Variants in MPP7 observed in about 807,000 individuals in gnomAD.
MPP7 encodes MAGUK p55 subfamily member 7.
In MPP7, 60 loss-of-function variants were observed where a neutral mutation model predicts 76.5. The ratio of observed to expected loss-of-function variants is 0.78; its 90% CI spans 0.64 to 0.97. MPP7 has a LOEUF of 0.97. Among genes scored for constraint, MPP7 ranks in the 50% least tolerant of loss-of-function variants. The pLI is 0.00. For missense variants in MPP7, 641 were observed against 694.0 expected (o/e 0.92, Z 0.86); for synonymous variants, 237 against 244.5 (o/e 0.97, Z 0.29).
chr10:28,200,334 A>C (rs1164425498), intron 3 of MPP7, among the ~76,000 whole-genome samples: 1 of 152,234 alleles, frequency 6.6e-6, no homozygotes, highest in Non-Finnish European at 1.5e-5. Flanking sequence ...GAGGTACGTA[A>C]TAAAACTAAT....
rs1164916418 is a variant in MPP7, at chr10:28,051,329, A to G, written c.*2736T>C. The G allele has an allele frequency of 6.6e-6, 1 of 152,216 alleles. No homozygotes were observed. The highest frequency in any genetic ancestry group is 1.5e-5 in the Non-Finnish European group (1 of 68,032). 9.4% of individuals were successfully genotyped at this position (152,216 alleles called of 1,614,324 possible). A position where few individuals can be genotyped will look rare whatever the true frequency, so the allele number is the denominator to read the frequency against. ...TTATGTTTGTCAGTTTCAAATTATT[A>G]CAGTTTAGATACATTCAATCATTAC... On this transcript the variant is annotated 3_prime_UTR_variant, in exon 17 of 17. Coordinates refer to ENST00000683449, the MANE Select transcript of MPP7 (RefSeq NM_001318170.2).
At chr10:28,191,299 C>T (rs1038321733) in intron 3 of MPP7, among the ~76,000 whole-genome samples, 1 of 152,064 alleles carries the variant, frequency 6.6e-6, no homozygotes, top group Admixed American at 6.6e-5. Context: ...ACGAGGCCAG[C>T]ATTATCTTAT....
At position 28,053,855 on chromosome 10, in the gene MPP7, A is replaced by G. The variant is rs1851444412; in HGVS notation, c.*210T>C. The G allele has an allele frequency of 1.7e-6, 1 of 579,638 alleles. No homozygotes were observed. Among genetic ancestry groups the G allele is most frequent in the Non-Finnish European group, 3.0e-6 (1 of 330,826 alleles). The allele number at this position is 579,638 out of a possible 1,614,324, so 35.9% of individuals were successfully genotyped here. A position where few individuals can be genotyped will look rare whatever the true frequency, so the allele number is the denominator to read the frequency against. On this transcript the variant is annotated 3_prime_UTR_variant, in exon 17 of 17. Coordinates refer to ENST00000683449, the MANE Select transcript of MPP7 (RefSeq NM_001318170.2). ...AGGTTTGAGGTTTTGCTTAGAATACAGTACTGTGCATATTTTGATTTCGGA... is the reference window on the plus strand; with the variant it reads ...AGGTTTGAGGTTTTGCTTAGAATACGGTACTGTGCATATTTTGATTTCGGA...
intron 1 of MPP7, among the ~76,000 whole-genome samples, chr10:28,260,870 T>C (rs768192739): frequency 5.9e-5 from 9 of 152,124 alleles, no homozygotes; most frequent in Non-Finnish European, 1.2e-4. Context: ...ACATGATGCA[T>C]TTCAACTCAG....
chr10:28,275,716 T>C (rs1840474209), intron 1 of MPP7, among the ~76,000 whole-genome samples: 2 of 151,624 alleles, frequency 1.3e-5, no homozygotes, highest in African/African-American at 4.9e-5. Flanking sequence ...CCCTTCCTAA[T>C]ATTTCTTGAA....
intron 2 of MPP7, among the ~76,000 whole-genome samples, chr10:28,225,423 T>C (rs1270636411): frequency 6.6e-6 from 1 of 152,136 alleles, no homozygotes; most frequent in African/African-American, 2.4e-5. Flanking sequence ...AGATCATAAA[T>C]GTGGTAAGTG....
In MPP7 at chr10:28,227,293, C is replaced by G. The variant is rs529906311; in HGVS notation, c.37+11275G>C. Among the ~76,000 whole-genome samples, 5 of 152,268 alleles carry G rather than the reference C, an allele frequency of 3.3e-5. No individual in the cohort carries two copies. In the South Asian group the frequency reaches 1.0e-3, roughly 32 times the overall value. ...AGCTTGAGGTCAACTACATGGATAA[C>G]GATCTTTTTTTAAATTTAATTTTTA... On this transcript the variant is annotated intron_variant, in intron 2 of 16. Transcript: ENST00000683449.
At chr10:28,129,804 G>T (rs892129044) in intron 6 of MPP7, among the ~76,000 whole-genome samples, 2 of 152,030 alleles carry the variant, frequency 1.3e-5, no homozygotes, top group African/African-American at 4.8e-5. Context: ...AATCCCTTGG[G>T]ATTCAGCTCA....
Position 28,289,706 on chromosome 10 carries a change from G to A in MPP7, c.-132+13155C>T, listed in dbSNP as rs1193210545. Among the ~76,000 whole-genome samples, 4 of 152,218 alleles carry A rather than the reference G, an allele frequency of 2.6e-5. No homozygotes were observed. In the East Asian group the frequency reaches 7.7e-4, roughly 29 times the overall value. On this transcript the variant is annotated intron_variant, in intron 1 of 16. Transcript: ENST00000683449. Reference sequence around the variant, plus strand: ...CACCCGAACCCACTCTGGGCTTTGGGTGGAGAAATGGAGAAAAGGTTTTAG... The same window carrying A: ...CACCCGAACCCACTCTGGGCTTTGGATGGAGAAATGGAGAAAAGGTTTTAG...
At chr10:28,331,566 A>T (rs1265751097) in intron 1 of MPP7, among the ~76,000 whole-genome samples, 11 of 152,090 alleles carry the variant, frequency 7.2e-5, no homozygotes, top group Admixed American at 7.2e-4. Context: ...TAGGGTTTTT[A>T]AAAATTATTA....
intron 1 of MPP7, among the ~76,000 whole-genome samples, chr10:28,296,985 CATAA>C: frequency 6.6e-6 from 1 of 151,652 alleles, no homozygotes; most frequent in African/African-American, 2.4e-5. Context: ...TTCAACTACT[CATAA>C]ATAAAGACCA....
chr10:28,254,151 T>TTG (rs999431433), intron 1 of MPP7, among the ~76,000 whole-genome samples: 1 of 152,152 alleles, frequency 6.6e-6, no homozygotes, highest in Non-Finnish European at 1.5e-5. Context: ...CTAAACCATT[T>TTG]GAGAATATTT....
intron 1 of MPP7, among the ~76,000 whole-genome samples, chr10:28,330,443 CATCT>C (rs1223707231): frequency 3.3e-5 from 5 of 151,886 alleles, no homozygotes; most frequent in African/African-American, 1.2e-4. Context: ...AGCAAGATCT[CATCT>C]TTAAACAGAA....
chr10:28,057,704 A>G, intron 15 of MPP7: 5 of 1,264,668 alleles, frequency 4.0e-6, no homozygotes, highest in Non-Finnish European at 5.1e-6. Context: ...TGCCCAAGTC[A>G]GGAGGCAGCC....
At chr10:28,310,265 G>A (rs1178593231) in intron 2 of MPP7, among the ~76,000 whole-genome samples, 1 of 152,154 alleles carries the variant, frequency 6.6e-6, no homozygotes, top group Non-Finnish European at 1.5e-5. Context: ...GCCTCCCAAA[G>A]TGCTGGGATT....
chr10:28,071,375 T>C (rs1468692543), intron 12 of MPP7, among the ~76,000 whole-genome samples: 2 of 152,134 alleles, frequency 1.3e-5, no homozygotes, highest in Non-Finnish European at 2.9e-5. Flanking sequence ...TCTAATGCCA[T>C]TTCTAGGTCC....
At chr10:28,238,847 T>C (rs1839168469) in intron 1 of MPP7, 112 bp from the exon 2 acceptor site, 1 of 476,978 alleles carries the variant, frequency 2.1e-6, no homozygotes, top group African/African-American at 1.9e-5. Context: ...AGATCGCAAC[T>C]CTTCAGAATT....
intron 3 of MPP7, among the ~76,000 whole-genome samples, chr10:28,177,302 C>G (rs1031575256): frequency 6.8e-6 from 1 of 147,084 alleles, no homozygotes; most frequent in East Asian, 2.0e-4. Flanking sequence ...GGCATGGTGG[C>G]GCGGCTGAGG....
rs1852151486 is a variant in MPP7 at position 28,069,824 on chromosome 10, C to A, written c.1152G>T (p.Leu384=). 2.5e-6 allele frequency: 4 copies of A among 1,613,972 alleles called. No individual in the cohort carries two copies. Among genetic ancestry groups the A allele is most frequent in the Non-Finnish European group, 3.4e-6 (4 of 1,179,972 alleles). ...TGTCACTGATCAGCAGCTTTCGTTT[C>A]AGTTCATTCAGCCCTACTCCCACGG... ...VGPVGVGLNE[L]KRKLLISDTQ... Residue 384 remains leucine (L), a synonymous_variant, in exon 13 of 17, where the codon CTG becomes CTT. Transcript: ENST00000683449.
Sources: gnomAD v4.1 joint callset for allele counts (sites outside exome capture counted in the v4.1 genomes callset) on GRCh38, gnomAD v4.1.1 for gene constraint, MANE v1.5 for transcripts, NCBI Gene and HGNC (gene_info 2026-07-23, HGNC 2026-07-21) for gene names.